The following INPP4A variants were observed in gnomAD, a reference collection of about 807,000 sequenced individuals.
INPP4A encodes inositol polyphosphate-4-phosphatase type I A.
Under a neutral mutation model 119.8 loss-of-function variants are expected in INPP4A, and 33 were observed. That is an observed-to-expected ratio of 0.28 (90% CI 0.21 to 0.37). The LOEUF (loss-of-function observed/expected upper bound fraction) is 0.37. Among genes scored for constraint, INPP4A ranks in the 10% least tolerant of loss-of-function variants. The probability of loss-of-function intolerance (pLI) is 1.00; values close to 1 mark genes in which losing one functional copy is unlikely to be tolerated. For synonymous variants in INPP4A, 496 were observed against 500.7 expected, an observed-to-expected ratio of 0.99 and a Z score of 0.12; for missense variants, 956 against 1,289.9, an observed-to-expected ratio of 0.74 and a Z score of 3.97.
chr2:98,551,750 C>T (rs1291144004), intron 13 of INPP4A, among the ~76,000 whole-genome samples: 3 of 152,154 alleles, frequency 2.0e-5, no homozygotes, highest in Admixed American at 6.5e-5. Flanking sequence ...ATCCCATGAG[C>T]GAAGGGACAC....
chr2:98,477,857 AG>A (rs1284583960), intron 1 of INPP4A, among the ~76,000 whole-genome samples: 3 of 152,246 alleles, frequency 2.0e-5, no homozygotes, highest in African/African-American at 7.2e-5. Flanking sequence ...TGCTGTGGGA[AG>A]AGAGCCACAT....
chr2:98,495,803 A>G (rs1407380931), intron 1 of INPP4A, among the ~76,000 whole-genome samples: 1 of 152,176 alleles, frequency 6.6e-6, no homozygotes, highest in East Asian at 1.9e-4. Context: ...GAGCTCTTAT[A>G]CGACCTAAAA....
At chr2:98,524,725 A>C (rs935714859) in intron 4 of INPP4A, among the ~76,000 whole-genome samples, 2 of 151,048 alleles carry the variant, frequency 1.3e-5, no homozygotes, top group African/African-American at 2.5e-5. Flanking sequence ...AGACAAGTAG[A>C]TCAATCAAAT....
intron 1 of INPP4A, among the ~76,000 whole-genome samples, chr2:98,455,513 A>G (rs775344701): frequency 9.2e-5 from 14 of 152,094 alleles, no homozygotes; most frequent in Non-Finnish European, 1.8e-4. Context: ...TTTGTCCCCA[A>G]CTTGCCAGTG....
At chr2:98,494,107 G>A (rs1355686327) in intron 1 of INPP4A, among the ~76,000 whole-genome samples, 1 of 152,156 alleles carries the variant, frequency 6.6e-6, no homozygotes, top group Non-Finnish European at 1.5e-5. Context: ...TTTCCCATCC[G>A]CTGCCCAGCT....
At chr2:98,574,123 G>T (rs566660648) in intron 23 of INPP4A, among the ~76,000 whole-genome samples, 3 of 152,126 alleles carry the variant, frequency 2.0e-5, no homozygotes, top group Non-Finnish European at 4.4e-5. Context: ...TGGTTTTGGG[G>T]CCTCATCTGG....
intron 13 of INPP4A, 87 bp from the exon 14 acceptor site, chr2:98,552,699 G>A: frequency 9.5e-7 from 1 of 1,054,694 alleles, no homozygotes; most frequent in South Asian, 1.3e-5. Flanking sequence ...CTTCATCTTA[G>A]GGTCAATTGT....
intron 1 of INPP4A, among the ~76,000 whole-genome samples, chr2:98,494,500 C>T (rs1185863143): frequency 1.3e-5 from 2 of 151,998 alleles, no homozygotes; most frequent in Admixed American, 1.3e-4. Context: ...AGCTCTAGAA[C>T]AGTGACTCCA....
At chr2:98,453,358 GGTT>G (rs1227179761) in intron 1 of INPP4A, among the ~76,000 whole-genome samples, 1 of 152,230 alleles carries the variant, frequency 6.6e-6, no homozygotes, top group African/African-American at 2.4e-5. Flanking sequence ...ATCAATTTGA[GGTT>G]GTAACTGGCA....
At chr2:98,471,063 G>A (rs557990868) in intron 1 of INPP4A, among the ~76,000 whole-genome samples, 1 of 152,342 alleles carries the variant, frequency 6.6e-6, no homozygotes, top group African/African-American at 2.4e-5. Context: ...TGTAGTTTCA[G>A]AAACCAGAAT....
chr2:98,469,319 A>T (rs533979742), intron 1 of INPP4A, among the ~76,000 whole-genome samples: 2 of 152,182 alleles, frequency 1.3e-5, no homozygotes, highest in Admixed American at 6.5e-5. Flanking sequence ...CAAGATGGTG[A>T]AACCCCATCT....
At chr2:98,452,594 G>C (rs1695418591) in intron 1 of INPP4A, among the ~76,000 whole-genome samples, 1 of 147,668 alleles carries the variant, frequency 6.8e-6, no homozygotes, top group Non-Finnish European at 1.5e-5. Flanking sequence ...GTGTGAACTA[G>C]CCAGTGTTTA....
At chr2:98,526,844 A>G (rs1019288968) in intron 4 of INPP4A, among the ~76,000 whole-genome samples, 2 of 152,180 alleles carry the variant, frequency 1.3e-5, no homozygotes, top group Admixed American at 6.5e-5. Context: ...ATCTTACATG[A>G]TGAGAGAAGG....
intron 24 of INPP4A, among the ~76,000 whole-genome samples, chr2:98,578,016 C>A (rs1415820612): frequency 6.6e-6 from 1 of 152,348 alleles, no homozygotes; most frequent in Non-Finnish European, 1.5e-5. Flanking sequence ...TCTCACAATA[C>A]TGCACAAAAG....
At position 98,593,777 on chromosome 2, in the gene INPP4A, C is replaced by T. The variant is rs1011664557; in HGVS notation, c.*6169C>T. 1 of 135,460 alleles carries T rather than the reference C, an allele frequency of 7.4e-6. No homozygotes were observed. Among genetic ancestry groups the T allele is most frequent in the Admixed American group, 7.5e-5 (1 of 13,246 alleles). 8.4% of individuals were successfully genotyped at this position (135,460 alleles called of 1,614,324 possible). ...TCTCTTGAGAACCATCCCATAATTT[C>T]CATCCATGCACCCCAAGGCCTGGTC... is the stretch of plus-strand genomic sequence containing the variant. On this transcript the variant is annotated 3_prime_UTR_variant, in exon 25 of 25. Coordinates refer to ENST00000409851, the MANE Select transcript of INPP4A (RefSeq NM_001134225.2).
In INPP4A at chr2:98,552,819, A is replaced by G; in HGVS notation, c.1197A>G (p.Ile399Met). The part of the protein sequence containing the change: ...TSSGCQSIIY[I>M]PQDVVRAKEI... ...CTGGCTGCCAGTCCATAATCTACATACCCCAGGATGTTGTCAGAGCCAAGG... is the reference window on the plus strand; with the variant it reads ...CTGGCTGCCAGTCCATAATCTACATGCCCCAGGATGTTGTCAGAGCCAAGG... The change falls in exon 14 of 25, where the codon ATA (isoleucine) becomes ATG (methionine). Residue 399 changes from isoleucine (I) to methionine (M), a missense_variant. By Grantham distance (10) the Ile-to-Met change is conservative. Transcript: ENST00000409851. The G allele has an allele frequency of 6.2e-7, 1 of 1,613,642 alleles. No homozygotes were observed. The highest frequency in any genetic ancestry group is 8.5e-7 in the Non-Finnish European group (1 of 1,179,696).
intron 1 of INPP4A, among the ~76,000 whole-genome samples, chr2:98,513,037 A>T (rs1685428696): frequency 6.6e-6 from 1 of 151,574 alleles, no homozygotes; most frequent in South Asian, 2.1e-4. Context: ...TGTTTGAAAG[A>T]AAAAAAAATG....
chr2:98,457,978 A>ATTTTT (rs766066774), intron 1 of INPP4A, among the ~76,000 whole-genome samples: 1 of 137,146 alleles, frequency 7.3e-6, no homozygotes, highest in Non-Finnish European at 1.6e-5. Flanking sequence ...TTAAACAAAA[A>ATTTTT]TTTTTTTTTT....
At chr2:98,553,307 G>A (rs1693876305) in intron 14 of INPP4A, among the ~76,000 whole-genome samples, 1 of 150,664 alleles carries the variant, frequency 6.6e-6, no homozygotes, top group South Asian at 2.1e-4. Context: ...TTTTTTTTTG[G>A]CCACATTTCT....
Sources: gnomAD v4.1 joint callset for allele counts (sites outside exome capture counted in the v4.1 genomes callset) on GRCh38, gnomAD v4.1.1 for gene constraint, MANE v1.5 for transcripts, NCBI Gene and HGNC (gene_info 2026-07-23, HGNC 2026-07-21) for gene names.